PUM1: variants seen among roughly 807,000 people sequenced by gnomAD.
The protein encoded by PUM1 is pumilio RNA binding family member 1.
PUM1 carries 13 observed loss-of-function variants against 131.8 expected under a neutral mutation model. The ratio of observed to expected loss-of-function variants is 0.10; its 90% confidence interval spans 0.06 to 0.16. PUM1 has a LOEUF of 0.16. Ranked by LOEUF, PUM1 falls within the 10% of genes least tolerant of loss-of-function variation. The pLI, the probability that PUM1 is intolerant of heterozygous loss-of-function variation, is 1.00. For synonymous variants in PUM1, 509 were observed against 556.5 expected (o/e 0.91, Z 1.20); for missense variants, 961 against 1,512.4 (o/e 0.64, Z 6.05).
chr1:31,038,958 TTA>T lies in PUM1; in HGVS notation c.364-10096_364-10095del, dbSNP rs200492434. Among the ~76,000 whole-genome samples the T allele has an allele frequency of 9.1e-3, 399 of 43,956 alleles. 11 individuals are homozygous for T. The highest frequency in any genetic ancestry group is 0.047 in the East Asian group (92 of 1,964). The allele number at this position is 43,956 out of a possible 152,430, so 28.8% of individuals were successfully genotyped here. On this transcript the variant is annotated intron_variant, in intron 2 of 21. Transcript: ENST00000426105. ...TAGCCATTTAAAATGTTTTAAAATT[TTA>T]TATATATATATATATATATATATAT...
At chr1:30,939,371 G>C (rs1439216294) in intron 20 of PUM1, among the ~76,000 whole-genome samples, 2 of 152,170 alleles carry the variant, frequency 1.3e-5, no homozygotes. Context: ...GCCGGACTTG[G>C]GGGAAGGTTA....
intron 2 of PUM1, chr1:31,037,187 G>A (rs1386269085): frequency 6.5e-6 from 1 of 153,066 alleles, no homozygotes; most frequent in Admixed American, 6.5e-5. Flanking sequence ...AGAAGAGCTA[G>A]AAAATAATAT....
intron 3 of PUM1, among the ~76,000 whole-genome samples, chr1:31,027,882 T>A (rs570085229): frequency 1.3e-5 from 2 of 152,266 alleles, no homozygotes; most frequent in African/African-American, 4.8e-5. Flanking sequence ...AAAGTAATTC[T>A]CCCTCTTGTG....
intron 2 of PUM1, among the ~76,000 whole-genome samples, chr1:31,033,205 G>A (rs1643492376): frequency 6.6e-6 from 1 of 151,582 alleles, no homozygotes; most frequent in Non-Finnish European, 1.5e-5. Flanking sequence ...CGACCTTACT[G>A]ATTTTTCCTT....
chr1:31,035,971 G>A (rs755650402), intron 2 of PUM1, among the ~76,000 whole-genome samples: 21 of 152,028 alleles, frequency 1.4e-4, no homozygotes, highest in Non-Finnish European at 2.4e-4. Context: ...CTGGCACTGC[G>A]AAACAGACGT....
chr1:31,061,497 T>A (rs6425700), intron 1 of PUM1, among the ~76,000 whole-genome samples: 46,276 of 151,668 alleles, frequency 0.31, 7,383 homozygotes, highest in Non-Finnish European at 0.34. Flanking sequence ...GCGCCTGTAA[T>A]CCCAGCTACT....
Position 30,932,999 on chromosome 1 carries a change from TAA to T in PUM1, c.*210_*211del. 1 of 510,296 alleles carries T rather than the reference TAA, an allele frequency of 2.0e-6. No individual in the cohort carries two copies. The highest frequency in any genetic ancestry group is 3.3e-6 in the Non-Finnish European group (1 of 301,692). The allele number at this position is 510,296 out of a possible 1,614,324, so 31.6% of individuals were successfully genotyped here. ...TAAAACAGCAGGGCAATTAGTCAAT[TAA>T]AAAAAATAGTACATGTTATGTGTAA... On this transcript the variant is annotated 3_prime_UTR_variant, in exon 22 of 22. Coordinates refer to ENST00000426105, the MANE Select transcript of PUM1 (RefSeq NM_001020658.2).
chr1:30,941,694 C>T (rs1042250880), intron 19 of PUM1, among the ~76,000 whole-genome samples: 11 of 152,272 alleles, frequency 7.2e-5, no homozygotes, highest in African/African-American at 2.4e-4. Flanking sequence ...AACAAATCAA[C>T]TTATTTCATT....
intron 1 of PUM1, among the ~76,000 whole-genome samples, chr1:31,063,627 A>G (rs895731664): frequency 1.3e-5 from 2 of 152,236 alleles, no homozygotes; most frequent in Non-Finnish European, 2.9e-5. Context: ...AAAAATTTTT[A>G]AAAGAAAAAA....
In PUM1 at chr1:30,932,399, T is replaced by C. The variant is rs1638997508; in HGVS notation, c.*812A>G. On this transcript the variant is annotated 3_prime_UTR_variant, in exon 22 of 22. Transcript: ENST00000426105. ...TATAGAAGCAAGACCAAAAGCAGAG[T>C]TGGATTTTTTTTTCTCATGCTAAAT... is the stretch of plus-strand genomic sequence containing the variant. The C allele has an allele frequency of 1.3e-5, 2 of 151,882 alleles. No homozygotes were observed. Among genetic ancestry groups the C allele is most frequent in the South Asian group, 4.1e-4 (2 of 4,820 alleles). 9.4% of individuals were successfully genotyped at this position (151,882 alleles called of 1,614,324 possible).
chr1:31,049,109 G>A (rs1029960139), intron 2 of PUM1, among the ~76,000 whole-genome samples: 1 of 152,258 alleles, frequency 6.6e-6, no homozygotes, highest in African/African-American at 2.4e-5. Flanking sequence ...GGAGGCTGAG[G>A]CAGGAGAATC....
In PUM1 at chr1:31,020,641, T is replaced by A. The variant is rs527872937; in HGVS notation, c.432+8155A>T. Among the ~76,000 whole-genome samples, 7 of 152,278 alleles carry A rather than the reference T, an allele frequency of 4.6e-5. No homozygotes were observed. The South Asian group carries it at 1.0e-3, about 23-fold the overall frequency. On this transcript the variant is annotated intron_variant, in intron 3 of 21. Transcript: ENST00000426105. Reference sequence around the variant, plus strand: ...TAACAAAGAATACTCCACATCAAGATGGGACCAAATACTCTAATAAACCCA... The same window carrying A: ...TAACAAAGAATACTCCACATCAAGAAGGGACCAAATACTCTAATAAACCCA...
intron 9 of PUM1, among the ~76,000 whole-genome samples, chr1:30,976,042 T>C (rs1641124444): frequency 6.7e-6 from 1 of 149,598 alleles, no homozygotes; most frequent in South Asian, 2.1e-4. Flanking sequence ...GAGCCAAGAT[T>C]GTACCACTGC....
At chr1:30,935,244 C>T (rs527810725) in intron 21 of PUM1, among the ~76,000 whole-genome samples, 22 of 152,316 alleles carry the variant, frequency 1.4e-4, no homozygotes, top group African/African-American at 4.3e-4. Context: ...AGATACAACA[C>T]GGTCTGGTCT....
Position 31,015,532 on chromosome 1 carries a change from G to A in PUM1, c.433-8430C>T, listed in dbSNP as rs140315687. ...AATTTTTTATATTTTTAGTAGAGAC[G>A]GGGTTTCACCATGTTACTCAGGATG... On this transcript the variant is annotated intron_variant, in intron 3 of 21. Coordinates refer to ENST00000426105, the MANE Select transcript of PUM1 (RefSeq NM_001020658.2). Among the ~76,000 whole-genome samples, 771 of 151,768 alleles carry A rather than the reference G, an allele frequency of 5.1e-3. 4 individuals carry two copies. Among genetic ancestry groups the A allele is most frequent in the East Asian group, 0.032 (166 of 5,170 alleles).
chr1:31,000,031 GCTGGGCCCACCCTCTGCAC>G (rs1642148358), intron 5 of PUM1, among the ~76,000 whole-genome samples: 1 of 152,208 alleles, frequency 6.6e-6, no homozygotes, highest in Non-Finnish European at 1.5e-5. Context: ...TTCACAGGTG[GCTGGGCCCACCCTCTGCAC>G]CAGAGATTGA....
chr1:31,048,068 A>G (rs6425699), intron 2 of PUM1, among the ~76,000 whole-genome samples: 105,757 of 151,356 alleles, frequency 0.7, 38,540 homozygotes, highest in African/African-American at 0.9. Context: ...GTGAAACCCC[A>G]TCTCTACTAA....
chr1:30,943,559 T>C (rs189498222), intron 18 of PUM1, among the ~76,000 whole-genome samples: 2 of 152,282 alleles, frequency 1.3e-5, no homozygotes, highest in South Asian at 2.1e-4. Context: ...GCCATGTATA[T>C]GACATTTTTA....
intron 1 of PUM1, 91 bp from the exon 2 acceptor site, chr1:31,059,668 C>A: frequency 7.0e-7 from 1 of 1,437,458 alleles, no homozygotes; most frequent in Admixed American, 2.3e-5. Context: ...ATGTCTTTTA[C>A]AATAAATAAA....
Sources: allele counts gnomAD v4.1 joint callset (sites outside exome capture counted in the v4.1 genomes callset), GRCh38; gene constraint gnomAD v4.1.1; transcripts MANE v1.5; gene names NCBI Gene and HGNC (gene_info 2026-07-23, HGNC 2026-07-21).